FBXW10B: variants seen among roughly 807,000 people sequenced by gnomAD.
FBXW10B encodes F-box and WD repeat domain containing protein 10B.
At chr17:15,593,028 G>A in the FBXW10B span, among the ~76,000 whole-genome samples, 2 of 142,130 alleles carry the variant, frequency 1.4e-5, 1 homozygote. Context: ...GCTTGAACCC[G>A]AGAGGCGGAG....
the FBXW10B span, among the ~76,000 whole-genome samples, chr17:15,584,968 CTTTTTT>C: frequency 1.6e-5 from 2 of 125,954 alleles, no homozygotes; most frequent in East Asian, 2.3e-4. Context: ...CCTTCTTCTT[CTTTTTT>C]TTTTTTTTTT....
At chr17:15,614,464 G>A in the FBXW10B span, among the ~76,000 whole-genome samples, 139 of 152,210 alleles carry the variant, frequency 9.1e-4, 1 homozygote, top group South Asian at 0.027. Flanking sequence ...AAAGTGCTGG[G>A]ATTACAGGCG....
At chr17:15,606,985 C>T in the FBXW10B span, among the ~76,000 whole-genome samples, 2 of 152,170 alleles carry the variant, frequency 1.3e-5, no homozygotes, top group African/African-American at 2.4e-5. Context: ...ACCTTCGTCT[C>T]TCGGCATATT....
the FBXW10B span, among the ~76,000 whole-genome samples, chr17:15,568,313 T>C: frequency 6.6e-6 from 1 of 151,938 alleles, no homozygotes; most frequent in Non-Finnish European, 1.5e-5. Flanking sequence ...GGCACACTTC[T>C]GTGTCTTGTG....
At chr17:15,585,904 A>G in the FBXW10B span, among the ~76,000 whole-genome samples, 4,903 of 151,788 alleles carry the variant, frequency 0.032, 187 homozygotes, top group African/African-American at 0.11. Flanking sequence ...TTGTAGTGGT[A>G]AAGCCATATT....
chr17:15,571,665 T>C, the FBXW10B span: 1 of 152,246 alleles, frequency 6.6e-6, no homozygotes, highest in Non-Finnish European at 1.5e-5. Context: ...TTCCTGTGTA[T>C]GTATGGACAC....
At chr17:15,598,642 A>G in the FBXW10B span, 11 of 1,612,216 alleles carry the variant, frequency 6.8e-6, no homozygotes, top group Non-Finnish European at 9.3e-6. Flanking sequence ...CCCACTTTTC[A>G]GATCCCAGTA....
At chr17:15,619,255 G>A in the FBXW10B span, 2 of 1,613,980 alleles carry the variant, frequency 1.2e-6, no homozygotes, top group East Asian at 4.5e-5. Flanking sequence ...ACCTGTTATA[G>A]ATGAAATCCT....
the FBXW10B span, among the ~76,000 whole-genome samples, chr17:15,611,602 C>CT: frequency 1.3e-5 from 2 of 152,182 alleles, no homozygotes; most frequent in Non-Finnish European, 2.9e-5. Context: ...TGTCACCTGC[C>CT]TGGCCCCTAC....
the FBXW10B span, among the ~76,000 whole-genome samples, chr17:15,601,185 G>A: frequency 0.23 from 33,366 of 148,192 alleles, 4,071 homozygotes; most frequent in East Asian, 0.36. Context: ...CGAGGCGGGC[G>A]GATCACAAGG....
At chr17:15,590,526 G>A in the FBXW10B span, among the ~76,000 whole-genome samples, 5 of 146,954 alleles carry the variant, frequency 3.4e-5, no homozygotes, top group African/African-American at 7.7e-5. Context: ...TGACATCTGC[G>A]TGTTCATCCT....
chr17:15,581,046 G>A, the FBXW10B span, among the ~76,000 whole-genome samples: 1 of 152,106 alleles, frequency 6.6e-6, no homozygotes, highest in African/African-American at 2.4e-5. Flanking sequence ...TCTTTTTATT[G>A]AGCCTTTACC....
At chr17:15,610,968 G>C in the FBXW10B span, among the ~76,000 whole-genome samples, 2 of 152,010 alleles carry the variant, frequency 1.3e-5, no homozygotes, top group South Asian at 2.1e-4. Context: ...ATGGGTGAAG[G>C]GACCAGCTCA....
chr17:15,598,713 G>A, the FBXW10B span: 71 of 1,593,014 alleles, frequency 4.5e-5, 1 homozygote, highest in East Asian at 4.1e-4. Context: ...ATCATACTGC[G>A]TAGAACCCAT....
At chr17:15,608,458 C>T in the FBXW10B span, among the ~76,000 whole-genome samples, 1 of 151,272 alleles carries the variant, frequency 6.6e-6, no homozygotes, top group Admixed American at 6.6e-5. Flanking sequence ...CCAGGCCCGG[C>T]TGCAATTTTT....
At chr17:15,590,495 GC>G in the FBXW10B span, among the ~76,000 whole-genome samples, 1 of 146,756 alleles carries the variant, frequency 6.8e-6, no homozygotes, top group Non-Finnish European at 1.5e-5. Context: ...TAAAGCCTGG[GC>G]TTGGCATCCC....
chr17:15,576,131 T>C, the FBXW10B span, among the ~76,000 whole-genome samples: 13 of 152,206 alleles, frequency 8.5e-5, no homozygotes, highest in African/African-American at 3.1e-4. Flanking sequence ...TCTACTATCT[T>C]TTATCAAACC....
the FBXW10B span, among the ~76,000 whole-genome samples, chr17:15,618,653 A>G: frequency 1.4e-4 from 22 of 152,170 alleles, no homozygotes; most frequent in Admixed American, 1.0e-3. Flanking sequence ...CAACCCTCTC[A>G]AGCTCAGTCC....
At chr17:15,582,490 T>C in the FBXW10B span, among the ~76,000 whole-genome samples, 1 of 152,234 alleles carries the variant, frequency 6.6e-6, no homozygotes, top group South Asian at 2.1e-4. Context: ...AATTGATATA[T>C]TCTCTCTTTA....
Sources: allele counts gnomAD v4.1 joint callset (sites outside exome capture counted in the v4.1 genomes callset), GRCh38; gene constraint gnomAD v4.1.1; transcripts MANE v1.5; gene names NCBI Gene and HGNC (gene_info 2026-07-23, HGNC 2026-07-21).